The following AOPEP variants were observed in gnomAD, a reference collection of about 807,000 sequenced individuals.
The protein encoded by AOPEP is aminopeptidase O (putative), also known as aminopeptidase O.
AOPEP carries 77 observed loss-of-function variants against 98.1 expected under a neutral mutation model. The ratio of observed to expected loss-of-function variants is 0.78; its 90% CI spans 0.65 to 0.95. AOPEP has a LOEUF of 0.95. Among genes scored for constraint, AOPEP ranks in the 40% least tolerant of loss-of-function variants. AOPEP has a pLI of 0.00. For synonymous variants in AOPEP, 346 were observed against 365.3 expected, an observed-to-expected ratio of 0.95 and a Z score of 0.60; for missense variants, 1,024 against 1,024.7, an observed-to-expected ratio of 1.00 and a Z score of 0.01.
the AOPEP span, among the ~76,000 whole-genome samples, chr9:95,128,761 T>C: frequency 1.3e-5 from 2 of 152,226 alleles, no homozygotes; most frequent in Admixed American, 6.5e-5. Flanking sequence ...TCCTCTTAGA[T>C]TTCTTTCTTT....
At position 94,729,222 on chromosome 9, in the gene AOPEP, G is replaced by A. The variant is rs147913205; in HGVS notation, c.-136+2471G>A. On this transcript the variant is annotated intron_variant, in intron 1 of 16. Transcript: ENST00000375315. ...CTGTCAGAAGGATGAAAGAGCAAGA[G>A]ACTTGAGGTTAAAATGTTCCAAGAG... is the stretch of plus-strand genomic sequence containing the variant. 3.1e-3 allele frequency among the ~76,000 whole-genome samples: 470 copies of A among 152,324 alleles called. 2 individuals carry two copies. Among genetic ancestry groups the A allele is most frequent in the African/African-American group, 0.011 (453 of 41,568 alleles).
rs776674491 is a variant in AOPEP at position 95,082,687 on chromosome 9, C to G, written c.2432C>G (p.Ala811Gly). The G allele has an allele frequency of 1.2e-6, 2 of 1,614,218 alleles. No homozygotes were observed. Among genetic ancestry groups the G allele is most frequent in the Non-Finnish European group, 1.7e-6 (2 of 1,180,034 alleles). ...RTKEQMDRSS[A>G]QVVAEMLF ...AAGGAGCAGATGGATAGGTCCTCAGCCCAGGTGGTGGCCGAAATGTTATTT... is the reference window on the plus strand; with the variant it reads ...AAGGAGCAGATGGATAGGTCCTCAGGCCAGGTGGTGGCCGAAATGTTATTT... Residue 811 changes from alanine (A) to glycine (G), a missense_variant, in exon 16 of 17, where the codon GCC becomes GGC. Physicochemically the swap from Ala to Gly is moderately conservative, Grantham distance 60. Coordinates refer to ENST00000375315, the MANE Select transcript of AOPEP (RefSeq NM_001193329.3).
intron 11 of AOPEP, among the ~76,000 whole-genome samples, chr9:94,985,304 C>G (rs1248560057): frequency 3.3e-5 from 5 of 152,244 alleles, no homozygotes; most frequent in Non-Finnish European, 5.9e-5. Context: ...CGAGCAAACA[C>G]CTGCAAGTTG....
At chr9:94,953,018 C>T (rs1222515770) in intron 7 of AOPEP, among the ~76,000 whole-genome samples, 1 of 152,202 alleles carries the variant, frequency 6.6e-6, no homozygotes, top group African/African-American at 2.4e-5. Context: ...TTCTGTGTTC[C>T]TCCCCTTCGA....
At chr9:94,901,121 A>G (rs1411984389) in intron 5 of AOPEP, among the ~76,000 whole-genome samples, 2 of 151,154 alleles carry the variant, frequency 1.3e-5, no homozygotes, top group Non-Finnish European at 2.9e-5. Flanking sequence ...TCGGTGGGAG[A>G]CATTATCAAA....
At chr9:94,964,860 C>T (rs182004233) in intron 9 of AOPEP, among the ~76,000 whole-genome samples, 27 of 152,002 alleles carry the variant, frequency 1.8e-4, no homozygotes, top group African/African-American at 6.0e-4. Flanking sequence ...AGGCTGGTCT[C>T]GAACTCCTTA....
At chr9:95,052,997 G>A (rs532145807) in intron 13 of AOPEP, among the ~76,000 whole-genome samples, 7 of 152,236 alleles carry the variant, frequency 4.6e-5, no homozygotes, top group Non-Finnish European at 8.8e-5. Flanking sequence ...TGCACACTTA[G>A]TGCTAGGAGG....
intron 5 of AOPEP, among the ~76,000 whole-genome samples, chr9:94,902,162 A>G (rs913328862): frequency 3.3e-5 from 5 of 152,200 alleles, no homozygotes; most frequent in Non-Finnish European, 7.3e-5. Context: ...GCAGGGAGGA[A>G]AAACACGGTT....
chr9:95,107,208 G>A, the AOPEP span: 1 of 1,614,070 alleles, frequency 6.2e-7, no homozygotes, highest in Non-Finnish European at 8.5e-7. Context: ...CAGGTCCTGG[G>A]CTGAGAGGCT....
chr9:95,070,708 G>A (rs1446154571), intron 14 of AOPEP, among the ~76,000 whole-genome samples: 1 of 152,258 alleles, frequency 6.6e-6, no homozygotes, highest in Non-Finnish European at 1.5e-5. Context: ...CAGACTAGCG[G>A]AGAAGGACAC....
intron 11 of AOPEP, among the ~76,000 whole-genome samples, chr9:95,003,263 T>C (rs1031690226): frequency 2.6e-5 from 4 of 152,270 alleles, no homozygotes; most frequent in African/African-American, 9.6e-5. Flanking sequence ...ACAGCTTTCA[T>C]ATAAGTCTGT....
intron 13 of AOPEP, among the ~76,000 whole-genome samples, chr9:95,033,501 ATTC>A (rs1020506734): frequency 1.3e-5 from 2 of 152,164 alleles, no homozygotes; most frequent in African/African-American, 4.8e-5. Flanking sequence ...AGTCGGTGTG[ATTC>A]TTCATGTTTA....
chr9:95,049,719 T>A (rs2066173433), intron 13 of AOPEP, among the ~76,000 whole-genome samples: 2 of 152,222 alleles, frequency 1.3e-5, no homozygotes, highest in South Asian at 4.1e-4. Flanking sequence ...ACAAATTTCC[T>A]GAAGTCTTGC....
At chr9:94,801,046 A>G (rs746139940) in intron 5 of AOPEP, 44 bp downstream of exon 5, 1 of 1,606,496 alleles carries the variant, frequency 6.2e-7, no homozygotes, top group African/African-American at 1.3e-5. Context: ...ACATTTTGGA[A>G]ATTCTTTGAC....
At chr9:95,115,628 G>A in the AOPEP span, among the ~76,000 whole-genome samples, 1 of 152,178 alleles carries the variant, frequency 6.6e-6, no homozygotes, top group African/African-American at 2.4e-5. Context: ...GCAGTTCTGT[G>A]CAGCATCTGC....
At chr9:95,013,887 C>A (rs550960594) in intron 13 of AOPEP, among the ~76,000 whole-genome samples, 71 of 151,966 alleles carry the variant, frequency 4.7e-4, no homozygotes, top group Non-Finnish European at 8.4e-4. Context: ...TCCTGGACAC[C>A]CAGATTTTTT....
At chr9:94,904,513 G>A (rs1386388843) in intron 5 of AOPEP, 1 of 152,130 alleles carries the variant, frequency 6.6e-6, no homozygotes, top group Non-Finnish European at 1.5e-5. Flanking sequence ...GATAGTTTCA[G>A]TTAAAATATC....
intron 5 of AOPEP, among the ~76,000 whole-genome samples, chr9:94,906,030 A>G (rs1199216907): frequency 2.0e-5 from 3 of 152,220 alleles, no homozygotes; most frequent in Non-Finnish European, 2.9e-5. Context: ...AACTTAATAA[A>G]GAATAAAAAA....
intron 13 of AOPEP, among the ~76,000 whole-genome samples, chr9:95,038,180 C>T (rs1009193343): frequency 6.6e-6 from 1 of 152,144 alleles, no homozygotes; most frequent in South Asian, 2.1e-4. Flanking sequence ...AAACAAAAAA[C>T]ACTTTCTTTC....
Sources: allele counts gnomAD v4.1 joint callset (sites outside exome capture counted in the v4.1 genomes callset), GRCh38; gene constraint gnomAD v4.1.1; transcripts MANE v1.5; gene names NCBI Gene and HGNC (gene_info 2026-07-23, HGNC 2026-07-21).